Variants in FBXO17 observed in about 807,000 individuals in gnomAD.
FBXO17 encodes F-box only protein 17.
A neutral mutation model predicts 34.1 loss-of-function variants in FBXO17; 43 were observed. The observed-to-expected ratio is 1.26, with a 90% CI of 0.99 to 1.62. The LOEUF is 1.62. FBXO17 is among the 40% of genes most tolerant of loss of function. FBXO17 has a pLI of 0.00. For synonymous variants in FBXO17, 169 were observed against 166.0 expected (o/e 1.02, Z -0.14); for missense variants, 424 against 386.7 (o/e 1.10, Z -0.81).
chr19:38,943,348 A>G (rs1222795390), intron 5 of FBXO17, among the ~76,000 whole-genome samples: 1 of 151,950 alleles, frequency 6.6e-6, no homozygotes, highest in Non-Finnish European at 1.5e-5. Flanking sequence ...ATTTTGGCTC[A>G]ATGCAACCTC....
At chr19:38,948,404 C>G (rs1197780087) in intron 3 of FBXO17, among the ~76,000 whole-genome samples, 163 bp downstream of exon 3, 1 of 152,212 alleles carries the variant, frequency 6.6e-6, no homozygotes, top group Non-Finnish European at 1.5e-5. Flanking sequence ...GCATATGAAA[C>G]AGTACCCTCA....
chr19:38,950,481 C>T, intron 1 of FBXO17, 145 bp from the exon 2 acceptor site: 1 of 1,187,686 alleles, frequency 8.4e-7, no homozygotes, highest in Non-Finnish European at 1.1e-6. Flanking sequence ...CTCTCTGATC[C>T]TAGGCCTTTC....
chr19:38,957,723 A>G (rs977987016), intron 1 of FBXO17, among the ~76,000 whole-genome samples: 1 of 152,194 alleles, frequency 6.6e-6, no homozygotes, highest in African/African-American at 2.4e-5. Flanking sequence ...TCGCCCAACA[A>G]GGGCAGCCAG....
At chr19:38,951,619 C>T (rs1454845963) in intron 1 of FBXO17, among the ~76,000 whole-genome samples, 2 of 151,626 alleles carry the variant, frequency 1.3e-5, no homozygotes, top group Non-Finnish European at 2.9e-5. Context: ...CTTTTCCTCC[C>T]ACCAACTGTC....
At chr19:38,946,847 C>T in intron 3 of FBXO17, 1 of 450,128 alleles carries the variant, frequency 2.2e-6, no homozygotes, top group South Asian at 2.6e-5. Context: ...CAAATGAAGG[C>T]CACATACTAG....
intron 1 of FBXO17, among the ~76,000 whole-genome samples, chr19:38,963,107 G>A (rs933983883): frequency 6.6e-6 from 1 of 151,972 alleles, no homozygotes; most frequent in Admixed American, 6.6e-5. Context: ...TTAAACAATC[G>A]CTGTTTAAAT....
intron 3 of FBXO17, chr19:38,946,861 T>C: frequency 2.5e-6 from 1 of 396,016 alleles, no homozygotes; most frequent in Non-Finnish European, 4.6e-6. Context: ...ATACTAGACA[T>C]GTGAGCGGGG....
chr19:38,953,550 A>G (rs1975118027), intron 1 of FBXO17, among the ~76,000 whole-genome samples: 1 of 151,942 alleles, frequency 6.6e-6, no homozygotes, highest in African/African-American at 2.4e-5. Flanking sequence ...AATCCCAGCT[A>G]CTCGGGAGGC....
In FBXO17 at chr19:38,946,552, C is replaced by G. The variant is rs1974986587; in HGVS notation, c.477G>C (p.Arg159Ser). The change falls in exon 4 of 6, where the codon AGG becomes AGC. Residue 159 changes from arginine to serine, a missense_variant. Arg to Ser is a moderately radical substitution (Grantham distance 110). Transcript: ENST00000292852. ...FVTSFEWCSK[R>S]QLVDLVMEGV... ...CTTCCATCACCAGGTCCACAAGCTG[C>G]CTCTTGGAGCACCATCTGGGAAGGA... 11 of 1,614,036 alleles carry G rather than the reference C, an allele frequency of 6.8e-6. No individual in the cohort carries two copies. The East Asian group carries it at 2.5e-4, about 36-fold the overall frequency.
intron 1 of FBXO17, among the ~76,000 whole-genome samples, chr19:38,965,246 C>T (rs139330776): frequency 3.4e-4 from 52 of 152,188 alleles, no homozygotes; most frequent in African/African-American, 1.0e-3. Flanking sequence ...TCAGGACTGG[C>T]TTCATGGGCA....
intron 1 of FBXO17, among the ~76,000 whole-genome samples, chr19:38,963,627 C>A (rs1214019966): frequency 1.3e-5 from 2 of 152,032 alleles, no homozygotes; most frequent in Non-Finnish European, 2.9e-5. Flanking sequence ...GTAGTCTATT[C>A]CTTTTTATTG....
chr19:38,970,962 G>T (rs1975383261), intron 1 of FBXO17, among the ~76,000 whole-genome samples: 1 of 152,028 alleles, frequency 6.6e-6, no homozygotes, highest in Non-Finnish European at 1.5e-5. Flanking sequence ...AGCTGGGTGT[G>T]GTGGTGCATG....
chr19:38,957,336 T>C lies in FBXO17; in HGVS notation c.-17-7000A>G, dbSNP rs1227592279. Among the ~76,000 whole-genome samples the C allele has an allele frequency of 2.6e-5, 4 of 152,266 alleles. No individual in the cohort carries two copies. The East Asian group carries it at 7.7e-4, about 29-fold the overall frequency. ...AGTTCTTCTTAGGAGGAGTTCTTAG[T>C]TCCCACTCTTCTTCTTTTTTGTTTT... On this transcript the variant is annotated intron_variant, in intron 1 of 5. Transcript: ENST00000292852.
At chr19:38,971,788 TAA>T (rs112057658) in intron 1 of FBXO17, among the ~76,000 whole-genome samples, 7 of 135,364 alleles carry the variant, frequency 5.2e-5, no homozygotes, top group Admixed American at 2.2e-4. Context: ...CTGTGCCAAT[TAA>T]AAAAAAAAAA....
At position 38,948,418 on chromosome 19, in the gene FBXO17, A is replaced by G. The variant is rs1216498190; in HGVS notation, c.461+149T>C. 4 of 625,492 alleles carry G rather than the reference A, an allele frequency of 6.4e-6. No homozygotes were observed. In the African/African-American group the frequency reaches 7.4e-5, roughly 12 times the overall value. 38.7% of individuals were successfully genotyped at this position (625,492 alleles called of 1,614,324 possible). On this transcript the variant is annotated intron_variant, in intron 3 of 5. Coordinates refer to ENST00000292852, the MANE Select transcript of FBXO17 (RefSeq NM_024907.7). ...GGCATATGAAACAGTACCCTCAACA[A>G]GTATTTGTTGATTGATGGAATGAAT...
At position 38,948,964 on chromosome 19, in the gene FBXO17, C is replaced by T. The variant is rs562447495; in HGVS notation, c.350-286G>A. Among the ~76,000 whole-genome samples the T allele has an allele frequency of 2.0e-5, 3 of 152,352 alleles. No individual in the cohort carries two copies. The East Asian group carries it at 5.8e-4, about 29-fold the overall frequency. The stretch of plus-strand genomic sequence containing the variant: ...TGTGTGTGAGAGACAGGGTCTCACT[C>T]TGTCGCCCAGGCTGGAGTGCAGTGG... On this transcript the variant is annotated intron_variant, in intron 2 of 5. Coordinates refer to ENST00000292852, the MANE Select transcript of FBXO17 (RefSeq NM_024907.7).
intron 5 of FBXO17, among the ~76,000 whole-genome samples, chr19:38,944,215 G>C (rs895611208): frequency 1.3e-5 from 2 of 151,762 alleles, no homozygotes; most frequent in Non-Finnish European, 2.9e-5. Flanking sequence ...GTGAGATGTA[G>C]CCACAGGAGC....
intron 1 of FBXO17, among the ~76,000 whole-genome samples, chr19:38,964,699 G>A (rs1410710225): frequency 2.0e-5 from 3 of 151,990 alleles, no homozygotes; most frequent in East Asian, 1.9e-4. Flanking sequence ...CTCAGGAGGT[G>A]GAGGCTGCAG....
chr19:38,955,213 G>A (rs1242055340), intron 1 of FBXO17, among the ~76,000 whole-genome samples: 4 of 151,994 alleles, frequency 2.6e-5, no homozygotes, highest in Non-Finnish European at 5.9e-5. Flanking sequence ...TCACAGGCGT[G>A]AGCCACTGCA....
Sources: allele counts gnomAD v4.1 joint callset (sites outside exome capture counted in the v4.1 genomes callset), GRCh38; gene constraint gnomAD v4.1.1; transcripts MANE v1.5; gene names NCBI Gene and HGNC (gene_info 2026-07-23, HGNC 2026-07-21).